The following NBAS variants were observed in gnomAD, a reference collection of about 807,000 sequenced individuals.
NBAS encodes NBAS subunit of NRZ tethering complex, also known as NAG/BC035112 fusion.
NBAS carries 219 observed loss-of-function variants against 302.5 expected under a neutral mutation model. That is an observed-to-expected ratio of 0.72 (90% confidence interval 0.65 to 0.81). The LOEUF (loss-of-function observed/expected upper bound fraction) is 0.81, where lower values mean the gene tolerates loss of function less well. Ranked by LOEUF, NBAS falls within the 30% of genes least tolerant of loss-of-function variation. The pLI, the probability that NBAS is intolerant of heterozygous loss-of-function variation, is 0.00. For synonymous variants in NBAS, 1,118 were observed against 1,021.6 expected (o/e 1.09, Z -1.80); for missense variants, 2,932 against 2,841.6 (o/e 1.03, Z -0.72).
At chr2:14,824,885 G>A in the NBAS span, among the ~76,000 whole-genome samples, 1 of 152,074 alleles carries the variant, frequency 6.6e-6, no homozygotes, top group African/African-American at 2.4e-5. Context: ...TGCATGAGAA[G>A]GAGCAGACAC....
chr2:15,251,517 A>G (rs886834273), intron 44 of NBAS, among the ~76,000 whole-genome samples: 2 of 152,216 alleles, frequency 1.3e-5, no homozygotes, highest in African/African-American at 4.8e-5. Context: ...TAAGAAAGTA[A>G]AAGAATAAAG....
At chr2:15,284,704 G>A (rs1031977179) in intron 42 of NBAS, among the ~76,000 whole-genome samples, 3 of 152,180 alleles carry the variant, frequency 2.0e-5, no homozygotes, top group African/African-American at 7.2e-5. Flanking sequence ...AATTTCTATT[G>A]TATTAACAAG....
chr2:15,476,677 T>C (rs1680207587), intron 13 of NBAS, among the ~76,000 whole-genome samples: 1 of 151,910 alleles, frequency 6.6e-6, no homozygotes, highest in Non-Finnish European at 1.5e-5. Context: ...ATGGTGCCAC[T>C]ACACTCCAGC....
chr2:15,077,480 T>C, the NBAS span, among the ~76,000 whole-genome samples: 3 of 152,148 alleles, frequency 2.0e-5, no homozygotes, highest in African/African-American at 7.2e-5. Context: ...GCACTGAGAA[T>C]AGAGTGACAA....
At chr2:15,251,054 A>C (rs1454327568) in intron 44 of NBAS, among the ~76,000 whole-genome samples, 1 of 152,264 alleles carries the variant, frequency 6.6e-6, no homozygotes, top group Non-Finnish European at 1.5e-5. Flanking sequence ...ATTTGGAACC[A>C]ATCCAAATGC....
intron 21 of NBAS, among the ~76,000 whole-genome samples, chr2:15,456,945 G>A (rs1679274183): frequency 6.6e-6 from 1 of 152,162 alleles, no homozygotes; most frequent in Non-Finnish European, 1.5e-5. Context: ...GCAAAGTGAA[G>A]CTTATATGAA....
intron 37 of NBAS, 87 bp downstream of exon 37, chr2:15,328,112 A>G (rs534798420): frequency 2.2e-6 from 3 of 1,347,748 alleles, no homozygotes; most frequent in South Asian, 2.5e-5. Flanking sequence ...ACAAATAAGT[A>G]TATTTTCAAG....
chr2:15,474,578 T>TC (rs1680108036), intron 14 of NBAS, among the ~76,000 whole-genome samples: 3 of 151,606 alleles, frequency 2.0e-5, no homozygotes, highest in Non-Finnish European at 2.9e-5. Context: ...TTCTTCTTCT[T>TC]TGAGATGGAG....
chr2:15,237,923 C>T (rs1204252975), intron 45 of NBAS, among the ~76,000 whole-genome samples: 5 of 152,056 alleles, frequency 3.3e-5, no homozygotes, highest in African/African-American at 1.2e-4. Flanking sequence ...TACAGGCGCC[C>T]GCCATTGGGC....
intron 40 of NBAS, among the ~76,000 whole-genome samples, chr2:15,301,569 T>C (rs1259972404): frequency 6.6e-6 from 1 of 152,232 alleles, no homozygotes; most frequent in African/African-American, 2.4e-5. Flanking sequence ...GCGCCAGATC[T>C]GATGTCCAAG....
At chr2:15,296,139 C>T (rs1319211984) in intron 40 of NBAS, among the ~76,000 whole-genome samples, 54 of 152,162 alleles carry the variant, frequency 3.5e-4, no homozygotes, top group Non-Finnish European at 1.5e-5. Flanking sequence ...GCAGTTGATT[C>T]CCTTTCTTGA....
chr2:15,485,956 T>C (rs2148606758), intron 12 of NBAS, among the ~76,000 whole-genome samples: 1 of 152,234 alleles, frequency 6.6e-6, no homozygotes, highest in South Asian at 2.1e-4. Flanking sequence ...GTTCCCTACT[T>C]GGGACCAAAA....
At chr2:14,823,339 A>C in the NBAS span, among the ~76,000 whole-genome samples, 1 of 152,236 alleles carries the variant, frequency 6.6e-6, no homozygotes, top group East Asian at 1.9e-4. Flanking sequence ...AAATTGTTTT[A>C]CTTGACTGAA....
intron 9 of NBAS, among the ~76,000 whole-genome samples, chr2:15,516,935 T>C (rs1023300108): frequency 6.6e-6 from 1 of 152,102 alleles, no homozygotes. Context: ...CCCTCTAGAA[T>C]GTTTAGGGGC....
chr2:15,534,706 C>A, intron 8 of NBAS, 65 bp from the exon 9 acceptor site: 1 of 1,166,810 alleles, frequency 8.6e-7, no homozygotes, highest in Non-Finnish European at 1.3e-6. Context: ...ACTAAATACC[C>A]AATAAAATGT....
At chr2:15,435,338 C>T (rs1677958970) in intron 21 of NBAS, among the ~76,000 whole-genome samples, 1 of 152,170 alleles carries the variant, frequency 6.6e-6, no homozygotes, top group Admixed American at 6.5e-5. Context: ...TATGTTCTTG[C>T]CTCTAAACTG....
At chr2:15,035,179 T>C in the NBAS span, among the ~76,000 whole-genome samples, 1 of 83,026 alleles carries the variant, frequency 1.2e-5, no homozygotes, top group East Asian at 5.8e-4. Flanking sequence ...CCTTTGTAAA[T>C]GTTTCATAAT....
At chr2:15,051,071 G>A in the NBAS span, among the ~76,000 whole-genome samples, 1 of 152,150 alleles carries the variant, frequency 6.6e-6, no homozygotes, top group Non-Finnish European at 1.5e-5. Context: ...AGAGAGTCTT[G>A]CAAATTAATG....
chr2:14,835,513 T>C, the NBAS span, among the ~76,000 whole-genome samples: 1 of 152,034 alleles, frequency 6.6e-6, no homozygotes, highest in South Asian at 2.1e-4. Flanking sequence ...AATAACATCC[T>C]TGTTTTCCTA....
Sources: allele counts gnomAD v4.1 joint callset (sites outside exome capture counted in the v4.1 genomes callset), GRCh38; gene constraint gnomAD v4.1.1; transcripts MANE v1.5; gene names NCBI Gene and HGNC (gene_info 2026-07-23, HGNC 2026-07-21).